The following ADAMTS2 variants were observed in gnomAD, a reference collection of about 807,000 sequenced individuals.
ADAMTS2 encodes the protein ADAM metallopeptidase with thrombospondin type 1 motif 2.
Under a neutral mutation model 123.0 loss-of-function variants are expected in ADAMTS2, and 50 were observed. The ratio of observed to expected loss-of-function variants is 0.41; its 90% CI spans 0.32 to 0.51. The LOEUF is 0.51. Among genes scored for constraint, ADAMTS2 ranks in the 20% least tolerant of loss-of-function variants. ADAMTS2 has a pLI of 0.35. For synonymous variants in ADAMTS2, 678 were observed against 695.4 expected (o/e 0.98, Z 0.39); for missense variants, 1,494 against 1,705.2 (o/e 0.88, Z 2.18).
intron 4 of ADAMTS2, 119 bp downstream of exon 4, chr5:179,207,394 C>T (rs561478307): frequency 1.6e-4 from 171 of 1,092,926 alleles, no homozygotes; most frequent in African/African-American, 2.0e-4. Flanking sequence ...CACTCACCTC[C>T]GGCTAACAAG....
chr5:179,225,115 T>A lies in ADAMTS2; in HGVS notation c.689-17400A>T, dbSNP rs1359903408. Among the ~76,000 whole-genome samples, 4 of 152,246 alleles carry A rather than the reference T, an allele frequency of 2.6e-5. No individual in the cohort carries two copies. In the East Asian group the frequency reaches 7.7e-4, roughly 29 times the overall value. On this transcript the variant is annotated intron_variant, in intron 3 of 21. Transcript: ENST00000251582. The surrounding 1 kb of genome is among the most constrained non-coding windows in gnomAD (Gnocchi z 4.5). ...CCTCACGCAGGGGCCTGAGGAACAC[T>A]CCCTGGTTATCCACACGGCAACTAA...
chr5:179,320,800 T>A (rs1757147027), intron 2 of ADAMTS2, among the ~76,000 whole-genome samples: 1 of 152,238 alleles, frequency 6.6e-6, no homozygotes, highest in Admixed American at 6.5e-5. Context: ...TGAAGTTAAA[T>A]CCAGGAACTA....
intron 4 of ADAMTS2, among the ~76,000 whole-genome samples, chr5:179,199,819 C>T (rs1223949300): frequency 6.6e-6 from 1 of 152,174 alleles, no homozygotes; most frequent in African/African-American, 2.4e-5. Context: ...TTCAGTGACC[C>T]CACATAGAAG....
At position 179,189,462 on chromosome 5, in the gene ADAMTS2, C is replaced by T. The variant is rs556452789; in HGVS notation, c.892-8307G>A. Among the ~76,000 whole-genome samples the T allele has an allele frequency of 4.7e-3, 706 of 150,170 alleles. 3 individuals carry two copies. Among genetic ancestry groups the T allele is most frequent in the African/African-American group, 0.016 (667 of 40,740 alleles). ...TCCCAGGTTCATGCCATTCTCTTGCCTCAGCCTCCCGAGTAGCTGGGGCTA... is the reference window on the plus strand; with the variant it reads ...TCCCAGGTTCATGCCATTCTCTTGCTTCAGCCTCCCGAGTAGCTGGGGCTA... On this transcript the variant is annotated intron_variant, in intron 4 of 21. Transcript: ENST00000251582. The surrounding 1 kb of genome is among the most constrained non-coding windows in gnomAD (Gnocchi z 4.2).
chr5:179,211,267 G>A (rs535290639), intron 3 of ADAMTS2, among the ~76,000 whole-genome samples: 3 of 152,348 alleles, frequency 2.0e-5, no homozygotes, highest in Non-Finnish European at 2.9e-5. Context: ...CTGGATGAGT[G>A]ATCAGCGCAC....
intron 2 of ADAMTS2, among the ~76,000 whole-genome samples, chr5:179,319,248 C>T (rs1757089423): frequency 6.6e-6 from 1 of 152,228 alleles, no homozygotes; most frequent in Non-Finnish European, 1.5e-5. Flanking sequence ...GCATCACATA[C>T]ACATGTCCAC....
At chr5:179,268,497 G>T (rs1007573151) in intron 3 of ADAMTS2, among the ~76,000 whole-genome samples, 2 of 152,244 alleles carry the variant, frequency 1.3e-5, no homozygotes, top group Admixed American at 6.5e-5. Flanking sequence ...GTGACTCGGG[G>T]TCTTTCTCAC....
At position 179,228,667 on chromosome 5, in the gene ADAMTS2, C is replaced by T. The variant is rs868063556; in HGVS notation, c.689-20952G>A. On this transcript the variant is annotated intron_variant, in intron 3 of 21. Coordinates refer to ENST00000251582, the MANE Select transcript of ADAMTS2 (RefSeq NM_014244.5). This position sits in a 1 kb window ranked among gnomAD's most constrained non-coding sequence, Gnocchi z 5.2. The stretch of plus-strand genomic sequence containing the variant: ...CAGAACCCACCATGCGCGGCTGGGC[C>T]GACTGTGCCTGCCCTTAAGGCAGGC... Among the ~76,000 whole-genome samples, 3 of 152,234 alleles carry T rather than the reference C, an allele frequency of 2.0e-5. No individual in the cohort carries two copies. Among genetic ancestry groups the T allele is most frequent in the African/African-American group, 4.8e-5 (2 of 41,468 alleles).
At chr5:179,273,392 T>C (rs752384646) in intron 2 of ADAMTS2, among the ~76,000 whole-genome samples, 1 of 152,094 alleles carries the variant, frequency 6.6e-6, no homozygotes. Flanking sequence ...AGGGCAGCTG[T>C]GGGCCTGTGC....
Position 179,285,060 on chromosome 5 carries a change from C to T in ADAMTS2, c.535-11996G>A, listed in dbSNP as rs576774540. Among the ~76,000 whole-genome samples the T allele has an allele frequency of 6.6e-6, 1 of 152,248 alleles. No individual in the cohort carries two copies. Among genetic ancestry groups the T allele is most frequent in the African/African-American group, 2.4e-5 (1 of 41,546 alleles). On this transcript the variant is annotated intron_variant, in intron 2 of 21. Coordinates refer to ENST00000251582, the MANE Select transcript of ADAMTS2 (RefSeq NM_014244.5). The surrounding 1 kb of genome is among the most constrained non-coding windows in gnomAD (Gnocchi z 4.9). The stretch of plus-strand genomic sequence containing the variant: ...GATGTGAGGGCTAAGCGAGATACTG[C>T]GTCTCTAGCACTGGGCACAGCACGT...
At chr5:179,247,945 T>C (rs1421696780) in intron 3 of ADAMTS2, among the ~76,000 whole-genome samples, 1 of 152,170 alleles carries the variant, frequency 6.6e-6, no homozygotes, top group Non-Finnish European at 1.5e-5. Flanking sequence ...AAATGAAGAA[T>C]ACTAATAAAG....
chr5:179,273,815 C>T (rs965100734), intron 2 of ADAMTS2, among the ~76,000 whole-genome samples: 16 of 152,218 alleles, frequency 1.1e-4, no homozygotes, highest in Middle Eastern at 6.8e-3. Context: ...ACAAACTCCT[C>T]GCTGGGTCCT....
intron 10 of ADAMTS2, among the ~76,000 whole-genome samples, chr5:179,151,870 T>C (rs768721014): frequency 3.9e-5 from 6 of 151,984 alleles, no homozygotes; most frequent in Non-Finnish European, 7.4e-5. Flanking sequence ...ACCCCAGAAA[T>C]TGCTCCTTAA....
chr5:179,147,728 A>G (rs1185422997), intron 10 of ADAMTS2, among the ~76,000 whole-genome samples: 4 of 152,148 alleles, frequency 2.6e-5, no homozygotes, highest in African/African-American at 9.7e-5. Flanking sequence ...CAATAAGCCA[A>G]AACAAATGCC....
intron 2 of ADAMTS2, among the ~76,000 whole-genome samples, chr5:179,292,188 G>A (rs757318082): frequency 2.2e-4 from 33 of 152,090 alleles, no homozygotes; most frequent in Middle Eastern, 6.8e-3. Flanking sequence ...ATTCCCGGGG[G>A]CAGAGAGAAG....
chr5:179,322,131 C>T (rs1757199914), intron 2 of ADAMTS2, among the ~76,000 whole-genome samples: 1 of 152,206 alleles, frequency 6.6e-6, no homozygotes, highest in African/African-American at 2.4e-5. Context: ...CCATTTTCTC[C>T]TTTTGGCTTA....
At chr5:179,244,055 CA>C (rs1765727150) in intron 3 of ADAMTS2, among the ~76,000 whole-genome samples, 1 of 152,104 alleles carries the variant, frequency 6.6e-6, no homozygotes. Context: ...AACATATGCA[CA>C]ATGGGAGTCC....
chr5:179,279,243 G>A (rs1005434280), intron 2 of ADAMTS2, among the ~76,000 whole-genome samples: 18 of 152,112 alleles, frequency 1.2e-4, no homozygotes, highest in African/African-American at 4.3e-4. Flanking sequence ...ACAAAGCATA[G>A]GAAGCACACA....
At chr5:179,165,675 C>T (rs762138195) in intron 5 of ADAMTS2, among the ~76,000 whole-genome samples, 8 of 152,152 alleles carry the variant, frequency 5.3e-5, no homozygotes, top group Non-Finnish European at 7.4e-5. Context: ...GCTGTATGAC[C>T]GGGGATGGAC....
Sources: gnomAD v4.1 joint callset for allele counts (sites outside exome capture counted in the v4.1 genomes callset) on GRCh38, gnomAD v4.1.1 for gene constraint, Gnocchi (gnomAD v3.1) non-coding constraint, MANE v1.5 for transcripts, NCBI Gene and HGNC (gene_info 2026-07-23, HGNC 2026-07-21) for gene names.